STRBP: variants seen among roughly 807,000 people sequenced by gnomAD.
The protein encoded by STRBP is spermatid perinuclear RNA binding protein, also known as spermatid perinuclear RNA-binding protein.
In STRBP, 13 loss-of-function variants were observed where a neutral mutation model predicts 80.1. The observed-to-expected ratio is 0.16, with a 90% CI of 0.11 to 0.26. The LOEUF is 0.26. Among genes scored for constraint, STRBP ranks in the 10% least tolerant of loss-of-function variants. STRBP has a pLI of 1.00. For missense variants in STRBP, 485 were observed against 815.2 expected (o/e 0.59, Z 4.93); for synonymous variants, 284 against 291.2 (o/e 0.98, Z 0.25).
intron 2 of STRBP, among the ~76,000 whole-genome samples, chr9:123,191,544 A>G (rs2038926622): frequency 6.6e-6 from 1 of 152,168 alleles, no homozygotes; most frequent in African/African-American, 2.4e-5. Flanking sequence ...CTACTACTCA[A>G]CTCTGCCTTT....
chr9:123,196,273 A>T (rs1310208085), intron 2 of STRBP, among the ~76,000 whole-genome samples: 1 of 152,194 alleles, frequency 6.6e-6, no homozygotes, highest in African/African-American at 2.4e-5. Flanking sequence ...TAAAACTACT[A>T]AAAGAAAACA....
intron 11 of STRBP, among the ~76,000 whole-genome samples, chr9:123,152,774 G>C (rs1158142108): frequency 1.3e-5 from 2 of 152,104 alleles, no homozygotes; most frequent in African/African-American, 4.8e-5. Flanking sequence ...GCATGAAGCA[G>C]ATCTTAATGG....
downstream of STRBP, among the ~76,000 whole-genome samples, chr9:123,118,953 A>T (rs919181151): frequency 1.3e-5 from 2 of 152,234 alleles, no homozygotes; most frequent in Non-Finnish European, 2.9e-5. Context: ...TTATCGAAAA[A>T]AAGCAACTTT....
intron 13 of STRBP, among the ~76,000 whole-genome samples, chr9:123,141,487 G>A (rs752162770): frequency 3.9e-4 from 59 of 152,044 alleles, no homozygotes; most frequent in Non-Finnish European, 6.3e-4. Context: ...CTGTAAATAT[G>A]CTCTCCCTGA....
chr9:123,169,224 A>G (rs1158225241), intron 6 of STRBP, among the ~76,000 whole-genome samples: 1 of 147,674 alleles, frequency 6.8e-6, no homozygotes, highest in Non-Finnish European at 1.5e-5. Context: ...GCTGGAGTGC[A>G]GTGTTGTGAT....
intron 10 of STRBP, 39 bp downstream of exon 10, chr9:123,158,293 T>C: frequency 6.3e-7 from 1 of 1,599,148 alleles, no homozygotes; most frequent in Non-Finnish European, 8.6e-7. Context: ...AGTTATGTTA[T>C]TTCACTAATA....
rs1486593020 is a variant in STRBP at position 123,124,847 on chromosome 9, T to TG, written c.*749dup. 3.0e-6 allele frequency: 3 copies of TG among 985,316 alleles called. No individual in the cohort carries two copies. The African/African-American group carries it at 5.2e-5, about 17-fold the overall frequency. The allele number at this position is 985,316 out of a possible 1,614,324, so 61.0% of individuals were successfully genotyped here. ...AAATAACAGAATGGAACCTTTATCA[T>TG]GGGGATGGCCCTTGTACAACAGGAG... On this transcript the variant is annotated 3_prime_UTR_variant, in exon 19 of 19. Transcript: ENST00000348403.
intron 1 of STRBP, among the ~76,000 whole-genome samples, chr9:123,255,525 T>C (rs909126966): frequency 6.6e-6 from 1 of 152,220 alleles, no homozygotes; most frequent in South Asian, 2.1e-4. Flanking sequence ...CTGTAAGTTG[T>C]ATCAAGCTAC....
intron 6 of STRBP, 35 bp downstream of exon 6, chr9:123,169,867 T>C: frequency 8.9e-7 from 1 of 1,125,222 alleles, no homozygotes. Flanking sequence ...CAACAACAAA[T>C]ATATACATAT....
At chr9:123,140,411 AT>A (rs1420635510) in intron 13 of STRBP, among the ~76,000 whole-genome samples, 1 of 152,172 alleles carries the variant, frequency 6.6e-6, no homozygotes, top group African/African-American at 2.4e-5. Flanking sequence ...CCTGGCCAAC[AT>A]GGTAAGACCA....
chr9:123,181,654 G>A (rs2038461497), intron 3 of STRBP, among the ~76,000 whole-genome samples: 1 of 151,872 alleles, frequency 6.6e-6, no homozygotes, highest in South Asian at 2.1e-4. Context: ...AATTTAGCCA[G>A]GCATGGTGGT....
At chr9:123,210,784 G>A (rs886385580) in intron 2 of STRBP, among the ~76,000 whole-genome samples, 4 of 151,406 alleles carry the variant, frequency 2.6e-5, no homozygotes, top group South Asian at 2.1e-4. Context: ...AGCCAAGATC[G>A]TGCCACTGCA....
At chr9:123,142,418 T>C (rs890528499) in intron 13 of STRBP, among the ~76,000 whole-genome samples, 6 of 152,194 alleles carry the variant, frequency 3.9e-5, no homozygotes, top group East Asian at 1.9e-4. Flanking sequence ...GTCTGCAGAA[T>C]TGTGAGCCAA....
chr9:123,235,827 T>C (rs1484231531), intron 2 of STRBP, among the ~76,000 whole-genome samples: 1 of 152,128 alleles, frequency 6.6e-6, no homozygotes, highest in Non-Finnish European at 1.5e-5. Flanking sequence ...AATAGAGCGC[T>C]CAGCAAAATA....
chr9:123,205,902 G>A (rs1348532338), intron 2 of STRBP, among the ~76,000 whole-genome samples: 8 of 152,056 alleles, frequency 5.3e-5, no homozygotes, highest in South Asian at 4.2e-4. Flanking sequence ...AAAACCTGAC[G>A]TAAATCACAA....
At chr9:123,156,924 A>G (rs530934635) in intron 11 of STRBP, among the ~76,000 whole-genome samples, 7 of 151,546 alleles carry the variant, frequency 4.6e-5, no homozygotes, top group South Asian at 2.1e-4. Context: ...AAAGGGAGGG[A>G]AAAAAAAATA....
chr9:123,134,568 A>G (rs1402144298), intron 16 of STRBP, among the ~76,000 whole-genome samples: 2 of 152,214 alleles, frequency 1.3e-5, no homozygotes, highest in Non-Finnish European at 2.9e-5. Context: ...TTTATAGCTT[A>G]TAGTATGGAA....
intron 13 of STRBP, among the ~76,000 whole-genome samples, chr9:123,141,783 G>T (rs924991306): frequency 1.3e-5 from 2 of 152,022 alleles, no homozygotes; most frequent in African/African-American, 4.8e-5. Context: ...TATATCTCAG[G>T]GAAGTGTCCA....
intron 1 of STRBP, among the ~76,000 whole-genome samples, chr9:123,242,160 CAATT>C (rs1281854765): frequency 1.3e-5 from 2 of 152,192 alleles, no homozygotes; most frequent in African/African-American, 2.4e-5. Flanking sequence ...TCTAATCAAT[CAATT>C]AGCCACCCCA....
Sources: allele counts gnomAD v4.1 joint callset (sites outside exome capture counted in the v4.1 genomes callset), GRCh38; gene constraint gnomAD v4.1.1; transcripts MANE v1.5; gene names NCBI Gene and HGNC (gene_info 2026-07-23, HGNC 2026-07-21).